Variants in ERP44 observed in about 807,000 individuals in gnomAD.
The protein encoded by ERP44 is endoplasmic reticulum protein 44.
In ERP44, 25 loss-of-function variants were observed where a neutral mutation model predicts 53.4. The ratio of observed to expected loss-of-function variants is 0.47; its 90% confidence interval spans 0.34 to 0.65. The LOEUF (loss-of-function observed/expected upper bound fraction) is 0.65, where lower values mean the gene tolerates loss of function less well. ERP44 is among the 30% of genes least tolerant of loss of function. ERP44 has a pLI of 0.01. For missense variants in ERP44, 338 were observed against 493.2 expected (o/e 0.69, Z 2.98); for synonymous variants, 145 against 161.2 (o/e 0.90, Z 0.76).
At chr9:100,058,370 C>T (rs527940987) in intron 2 of ERP44, among the ~76,000 whole-genome samples, 3 of 152,264 alleles carry the variant, frequency 2.0e-5, no homozygotes, top group Admixed American at 6.5e-5. Flanking sequence ...GCCATCACAC[C>T]GGGCTTCCTT....
At chr9:100,063,568 A>C (rs1374853751) in intron 1 of ERP44, among the ~76,000 whole-genome samples, 1 of 152,180 alleles carries the variant, frequency 6.6e-6, no homozygotes, top group East Asian at 1.9e-4. Flanking sequence ...CAGACCATAA[A>C]GCTTTTGATA....
At chr9:100,098,104 T>C (rs1415354615) in intron 1 of ERP44, among the ~76,000 whole-genome samples, 2 of 152,178 alleles carry the variant, frequency 1.3e-5, no homozygotes, top group Non-Finnish European at 2.9e-5. Context: ...GGGATGATGC[T>C]GAGCAGGTTA....
At chr9:99,983,551 CAAAAAAAAAAAAAA>C (rs59132233) in intron 11 of ERP44, among the ~76,000 whole-genome samples, 6 of 66,974 alleles carry the variant, frequency 9.0e-5, no homozygotes, top group African/African-American at 3.4e-4. Flanking sequence ...GACTCCGTCT[CAAAAAAAAAAAAAA>C]AAAAAAAAAA....
At chr9:100,057,919 T>C in intron 2 of ERP44, 60 bp from the exon 3 acceptor site, 5 of 1,262,212 alleles carry the variant, frequency 4.0e-6, no homozygotes, top group Admixed American at 1.9e-5. Context: ...TAATTAAACA[T>C]ACAGTTTCAT....
At chr9:100,038,226 C>T (rs551231847) in intron 4 of ERP44, among the ~76,000 whole-genome samples, 7 of 151,994 alleles carry the variant, frequency 4.6e-5, no homozygotes, top group Admixed American at 2.6e-4. Flanking sequence ...ACACTAATTG[C>T]GGTGTGTCAA....
chr9:100,052,620 GGCA>G, intron 3 of ERP44, 88 bp from the exon 4 acceptor site: 1 of 626,516 alleles, frequency 1.6e-6, no homozygotes, highest in East Asian at 3.0e-5. Flanking sequence ...ATTTGATATA[GGCA>G]TAATAAACGA....
chr9:100,057,182 T>C (rs1352809253), intron 3 of ERP44, among the ~76,000 whole-genome samples: 2 of 152,164 alleles, frequency 1.3e-5, no homozygotes, highest in Non-Finnish European at 2.9e-5. Context: ...TGCTGAATCT[T>C]TCCAGCTAAA....
intron 1 of ERP44, among the ~76,000 whole-genome samples, chr9:100,077,221 T>C (rs770655531): frequency 1.3e-5 from 2 of 152,234 alleles, no homozygotes; most frequent in East Asian, 1.9e-4. Flanking sequence ...CCTTATCCAC[T>C]GTCAGGGTAT....
At chr9:100,071,755 A>C (rs994272563) in intron 1 of ERP44, among the ~76,000 whole-genome samples, 4 of 152,240 alleles carry the variant, frequency 2.6e-5, no homozygotes, top group Non-Finnish European at 4.4e-5. Context: ...CCCTGTCTCT[A>C]CTAAAAATAC....
chr9:100,062,321 T>C (rs1325158746), intron 1 of ERP44, among the ~76,000 whole-genome samples: 4 of 152,226 alleles, frequency 2.6e-5, no homozygotes, highest in Admixed American at 6.5e-5. Context: ...GTCTCAGATA[T>C]GAACCTAGAG....
intron 1 of ERP44, among the ~76,000 whole-genome samples, chr9:100,068,460 C>T (rs1826256485): frequency 3.0e-5 from 4 of 134,982 alleles, no homozygotes; most frequent in East Asian, 2.7e-4. Flanking sequence ...TGCCCGGCCG[C>T]CCCTACTGGG....
At chr9:99,991,008 T>A (rs1830247936) in intron 10 of ERP44, among the ~76,000 whole-genome samples, 1 of 152,202 alleles carries the variant, frequency 6.6e-6, no homozygotes, top group African/African-American at 2.4e-5. Context: ...GCATCCAGAT[T>A]CATAAAGCAA....
Position 100,052,504 on chromosome 9 carries a change from T to C in ERP44, c.199A>G (p.Ile67Val), listed in dbSNP as rs769378521. The C allele has an allele frequency of 1.2e-6, 2 of 1,612,244 alleles. No homozygotes were observed. The highest frequency in any genetic ancestry group is 2.2e-5 in the East Asian group (1 of 44,814). The change falls in exon 4 of 12, where the codon ATT becomes GTT. Residue 67 changes from isoleucine (I) to valine (V), a missense_variant. Coordinates refer to ENST00000262455, the MANE Select transcript of ERP44 (RefSeq NM_015051.3). The stretch of plus-strand genomic sequence containing the variant: ...ATGACATCGGAAGCTTCCTCAAAAA[T>C]TGGATGCAACATCTGACTGAAACGA... ...WCRFSQMLHP[I>V]FEEASDVIKE... is the part of the protein sequence containing the mutation.
intron 11 of ERP44, among the ~76,000 whole-genome samples, chr9:99,984,425 TAAAA>T (rs899048048): frequency 6.6e-6 from 1 of 152,006 alleles, no homozygotes; most frequent in African/African-American, 2.4e-5. Context: ...AAAAAAAACA[TAAAA>T]GAACATAAAA....
Position 100,022,103 on chromosome 9 carries a change from C to T in ERP44, c.410G>A (p.Arg137Lys), listed in dbSNP as rs751530618. 1 of 1,613,662 alleles carries T rather than the reference C, an allele frequency of 6.2e-7. No individual in the cohort carries two copies. The highest frequency in any genetic ancestry group is 8.5e-7 in the Non-Finnish European group (1 of 1,179,794). The change falls in exon 5 of 12, where the codon AGG (arginine) becomes AAG (lysine). Residue 137 changes from arginine (R) to lysine (K), a missense_variant. This residue lies in a region of ERP44 where 224 missense variants were observed against 301.4 expected (regional missense o/e 0.74). Transcript: ENST00000262455. ...RSVKALADYI[R>K]QQKSDPIQEI... ...TTGAATGGGGTCACTTTTTTGTTGC[C>T]TGATGTAATCTGCCAATGCTTTCAC...
chr9:100,041,608 C>CGA (rs1166801409), intron 4 of ERP44, among the ~76,000 whole-genome samples: 1 of 152,102 alleles, frequency 6.6e-6, no homozygotes, highest in Non-Finnish European at 1.5e-5. Context: ...GTGGAGGTTG[C>CGA]AGTGAGCCGA....
chr9:100,088,624 C>T (rs1041583920), intron 1 of ERP44, among the ~76,000 whole-genome samples: 2 of 152,134 alleles, frequency 1.3e-5, no homozygotes, highest in African/African-American at 2.4e-5. Flanking sequence ...AAAGGGGATA[C>T]CTTTCACCAC....
Position 100,003,143 on chromosome 9 carries a change from A to T in ERP44, c.1016+3363T>A, listed in dbSNP as rs78896810. 8.9e-4 allele frequency among the ~76,000 whole-genome samples: 136 copies of T among 152,314 alleles called. No homozygotes were observed. The East Asian group carries it at 0.016, about 18-fold the overall frequency. On this transcript the variant is annotated intron_variant, in intron 10 of 11. Coordinates refer to ENST00000262455, the MANE Select transcript of ERP44 (RefSeq NM_015051.3). ...CTAGAATTTGTTTAATTTTTAAGAA[A>T]TATATAATTTCAATCTCTCTGGTAA...
At chr9:100,036,297 T>G (rs1359226619) in intron 4 of ERP44, among the ~76,000 whole-genome samples, 2 of 152,236 alleles carry the variant, frequency 1.3e-5, no homozygotes, top group African/African-American at 4.8e-5. Context: ...TATGCCATGG[T>G]ACACTATGCA....
Sources: allele counts gnomAD v4.1 joint callset (sites outside exome capture counted in the v4.1 genomes callset), GRCh38; gene constraint gnomAD v4.1.1; regional missense constraint gnomAD v4.1.1; transcripts MANE v1.5; gene names NCBI Gene and HGNC (gene_info 2026-07-23, HGNC 2026-07-21).